The following HSD17B12 variants were observed in gnomAD, a reference collection of about 807,000 sequenced individuals.
HSD17B12 encodes very-long-chain 3-oxoacyl-CoA reductase.
Under a neutral mutation model 39.3 loss-of-function variants are expected in HSD17B12, and 32 were observed. The ratio of observed to expected loss-of-function variants is 0.81; its 90% CI spans 0.61 to 1.09. HSD17B12 has a LOEUF of 1.09. Ranked by LOEUF, HSD17B12 falls within the 50% of genes least tolerant of loss-of-function variation. HSD17B12 has a pLI of 0.00. For missense variants in HSD17B12, 342 were observed against 382.9 expected, an observed-to-expected ratio of 0.89 and a Z score of 0.89; for synonymous variants, 150 against 146.7, an observed-to-expected ratio of 1.02 and a Z score of -0.16.
chr11:43,767,663 C>A (rs1353372114), intron 3 of HSD17B12, among the ~76,000 whole-genome samples: 1 of 152,026 alleles, frequency 6.6e-6, no homozygotes, highest in Admixed American at 6.5e-5. Flanking sequence ...ATACTAGAAT[C>A]AAAGAGAAAA....
chr11:43,627,344 AT>A, the HSD17B12 span, among the ~76,000 whole-genome samples: 3 of 151,956 alleles, frequency 2.0e-5, no homozygotes, highest in African/African-American at 7.2e-5. Flanking sequence ...ATTTCTAGTG[AT>A]ACCTTATTGA....
chr11:43,770,758 G>T (rs1306336415), intron 3 of HSD17B12, among the ~76,000 whole-genome samples: 1 of 152,084 alleles, frequency 6.6e-6, no homozygotes, highest in African/African-American at 2.4e-5. Flanking sequence ...AAACAAGTTT[G>T]CAGTCTTTAT....
intron 9 of HSD17B12, among the ~76,000 whole-genome samples, chr11:43,844,221 C>T (rs1264263447): frequency 6.6e-6 from 1 of 152,130 alleles, no homozygotes; most frequent in African/African-American, 2.4e-5. Flanking sequence ...GTATATTGTT[C>T]AAATTCTAGA....
chr11:43,799,186 C>T (rs1380230068), intron 4 of HSD17B12, among the ~76,000 whole-genome samples: 1 of 151,720 alleles, frequency 6.6e-6, no homozygotes, highest in African/African-American at 2.4e-5. Context: ...TTTAATACCA[C>T]AAATACACTG....
the HSD17B12 span, among the ~76,000 whole-genome samples, chr11:43,671,289 C>CCAGCCT: frequency 5.9e-5 from 9 of 152,328 alleles, no homozygotes; most frequent in East Asian, 1.7e-3. Flanking sequence ...AAGTGATTCT[C>CCAGCCT]CAGCCTCAGC....
chr11:43,772,671 CA>C (rs1398090758), intron 3 of HSD17B12, among the ~76,000 whole-genome samples: 1 of 152,084 alleles, frequency 6.6e-6, no homozygotes, highest in African/African-American at 2.4e-5. Context: ...GCTTGTGATC[CA>C]GTATGAATGG....
chr11:43,769,751 G>T (rs918433976), intron 3 of HSD17B12, among the ~76,000 whole-genome samples: 29 of 152,212 alleles, frequency 1.9e-4, no homozygotes, highest in African/African-American at 7.0e-4. Context: ...GTCTTTGTGT[G>T]CCTTTTACTA....
intron 7 of HSD17B12, among the ~76,000 whole-genome samples, chr11:43,832,580 A>G (rs2135115194): frequency 6.6e-6 from 1 of 152,306 alleles, no homozygotes; most frequent in African/African-American, 2.4e-5. Context: ...CAAAACCAAG[A>G]AGCTGGGAAC....
chr11:43,619,182 A>AT, the HSD17B12 span, among the ~76,000 whole-genome samples: 2 of 50,646 alleles, frequency 3.9e-5, no homozygotes, highest in East Asian at 4.9e-4. Flanking sequence ...TATATATATA[A>AT]AATATATATA....
At chr11:43,579,667 C>A in the HSD17B12 span, among the ~76,000 whole-genome samples, 3 of 152,148 alleles carry the variant, frequency 2.0e-5, no homozygotes, top group Admixed American at 2.0e-4. Flanking sequence ...GCCCCTCTGG[C>A]GCGGCGGGCG....
intron 7 of HSD17B12, chr11:43,833,032 CAAAAAAAAA>C (rs59191050): frequency 1.6e-4 from 20 of 123,588 alleles, no homozygotes; most frequent in Non-Finnish European, 2.5e-4. Flanking sequence ...GACCCTGTCT[CAAAAAAAAA>C]AAAAAAAAAA....
intron 1 of HSD17B12, chr11:43,734,165 C>A: frequency 6.4e-7 from 1 of 1,569,976 alleles, no homozygotes. Flanking sequence ...TGCTGGAGAA[C>A]TAATCACCCA....
the HSD17B12 span, among the ~76,000 whole-genome samples, chr11:43,642,442 C>T: frequency 6.0e-5 from 9 of 150,848 alleles, no homozygotes; most frequent in East Asian, 7.8e-4. Context: ...TATTTTGAAC[C>T]GTTAAAAGAA....
At position 43,714,060 on chromosome 11, in the gene HSD17B12, C is replaced by A. The variant is rs542625150; in HGVS notation, c.160+33073C>A. On this transcript the variant is annotated intron_variant, in intron 1 of 10. Transcript: ENST00000278353. ...ATGAGCAGATTGCAAAAGTTTTCTC[C>A]CATTCTGTAGGTTGCCTGTTCACTC... is the stretch of plus-strand genomic sequence containing the variant. 5.3e-5 allele frequency among the ~76,000 whole-genome samples: 8 copies of A among 152,226 alleles called. No homozygotes were observed. In the East Asian group the frequency reaches 1.3e-3, roughly 26 times the overall value.
the HSD17B12 span, among the ~76,000 whole-genome samples, chr11:43,578,163 C>A: frequency 6.6e-6 from 1 of 152,126 alleles, no homozygotes; most frequent in South Asian, 2.1e-4. Flanking sequence ...TGCAGGTCTG[C>A]AGTAAGATTT....
chr11:43,662,513 C>T, the HSD17B12 span, among the ~76,000 whole-genome samples: 1 of 147,260 alleles, frequency 6.8e-6, no homozygotes, highest in Admixed American at 6.8e-5. Context: ...CCAAAGTTGG[C>T]CACATCTCAA....
At chr11:43,814,664 G>A (rs144218162) in intron 4 of HSD17B12, among the ~76,000 whole-genome samples, 31 of 152,078 alleles carry the variant, frequency 2.0e-4, no homozygotes, top group Non-Finnish European at 3.8e-4. Context: ...GGAAAATTAA[G>A]ATATGACCTC....
At chr11:43,680,162 G>T (rs1806728781), upstream of HSD17B12, among the ~76,000 whole-genome samples, 1 of 36,360 alleles carries the variant, frequency 2.8e-5, no homozygotes, top group Non-Finnish European at 1.2e-4. Flanking sequence ...TGCAACCTCT[G>T]CCTCCCGGGT....
chr11:43,661,503 T>C, the HSD17B12 span, among the ~76,000 whole-genome samples: 1 of 152,182 alleles, frequency 6.6e-6, no homozygotes, highest in Admixed American at 6.5e-5. Context: ...GCATGTCTAA[T>C]AACTTAATAA....
Sources: gnomAD v4.1 joint callset for allele counts (sites outside exome capture counted in the v4.1 genomes callset) on GRCh38, gnomAD v4.1.1 for gene constraint, MANE v1.5 for transcripts, NCBI Gene and HGNC (gene_info 2026-07-23, HGNC 2026-07-21) for gene names.